MAP7D2: variants seen among roughly 807,000 people sequenced by gnomAD.
MAP7D2 encodes MAP7 domain-containing protein 2.
MAP7D2 carries 33 observed loss-of-function variants against 63.5 expected under a neutral mutation model. The ratio of observed to expected loss-of-function variants is 0.52; its 90% CI spans 0.39 to 0.70. The LOEUF (loss-of-function observed/expected upper bound fraction) is 0.70, where lower values mean the gene tolerates loss of function less well. MAP7D2 is among the 30% of genes least tolerant of loss of function. The pLI, the probability that MAP7D2 is intolerant of heterozygous loss-of-function variation, is 0.00. For missense variants in MAP7D2, 626 were observed against 604.0 expected, an observed-to-expected ratio of 1.04 and a Z score of -0.38; for synonymous variants, 224 against 223.7, an observed-to-expected ratio of 1.00 and a Z score of -0.01.
In MAP7D2 at chrX:20,116,810, GGA is replaced by G. The variant is rs2066907567; in HGVS notation, c.68_69del (p.Leu23ProfsTer30). On this transcript the variant is annotated frameshift_variant, in exon 1 of 17. Coordinates refer to ENST00000379643, the MANE Select transcript of MAP7D2 (RefSeq NM_001168465.2). LOFTEE classifies it high-confidence loss of function. ...RPEGTARGTS[L>X]PGKIAEPGAV... The stretch of plus-strand genomic sequence containing the variant: ...GCGCCCGGTTCTGCGATCTTCCCTG[GGA>G]GAGAGGTTCCCCGCGCAGTCCCCTC... 1 of 1,188,176 alleles carries G rather than the reference GGA, an allele frequency of 8.4e-7. No homozygotes were observed. Among genetic ancestry groups the G allele is most frequent in the African/African-American group, 1.8e-5 (1 of 55,756 alleles).
At chrX:20,064,868 A>G (rs1272003799) in intron 1 of MAP7D2, 63 bp from the exon 2 acceptor site, 7 of 1,006,889 alleles carry the variant, frequency 7.0e-6, no homozygotes, top group Non-Finnish European at 7.0e-6. Flanking sequence ...GCTAAGTACT[A>G]TAGGCAACTG....
At chrX:20,036,639 C>G (rs2064497111) in intron 8 of MAP7D2, among the ~76,000 whole-genome samples, 2 of 105,864 alleles carry the variant, frequency 1.9e-5, no homozygotes, top group South Asian at 8.9e-4. Context: ...GGCGCGGTGG[C>G]TCATGCCTGT....
At chrX:20,067,835 A>C (rs2065399614) in intron 1 of MAP7D2, among the ~76,000 whole-genome samples, 1 of 112,303 alleles carries the variant, frequency 8.9e-6, no homozygotes, top group African/African-American at 3.2e-5. Flanking sequence ...AAGAGAAGTC[A>C]AGTGTGACTC....
chrX:20,074,250 G>A (rs952787716), intron 1 of MAP7D2, among the ~76,000 whole-genome samples: 2 of 111,279 alleles, frequency 1.8e-5, no homozygotes, highest in African/African-American at 3.3e-5. Flanking sequence ...AATCCAGTGT[G>A]ATTTCTTCTG....
intron 1 of MAP7D2, among the ~76,000 whole-genome samples, chrX:20,093,486 G>A (rs962242620): frequency 3.6e-5 from 4 of 110,577 alleles, no homozygotes; most frequent in East Asian, 5.7e-4. Flanking sequence ...GTGAAACCCC[G>A]TCTCTACTAA....
intron 1 of MAP7D2, among the ~76,000 whole-genome samples, chrX:20,101,017 G>A (rs757141010): frequency 4.1e-5 from 4 of 98,030 alleles, no homozygotes; most frequent in Non-Finnish European, 6.0e-5. Context: ...GTAAAACTCC[G>A]TCTCAAAAAA....
intron 8 of MAP7D2, among the ~76,000 whole-genome samples, chrX:20,034,055 T>C (rs1486511268): frequency 1.9e-5 from 2 of 107,478 alleles, no homozygotes; most frequent in Non-Finnish European, 3.8e-5. Flanking sequence ...TGAAACCCTG[T>C]CTCTACTAAA....
At chrX:20,078,768 G>T (rs1273014692) in intron 1 of MAP7D2, among the ~76,000 whole-genome samples, 1 of 111,106 alleles carries the variant, frequency 9.0e-6, no homozygotes, top group Non-Finnish European at 1.9e-5. Flanking sequence ...AATGAGATAT[G>T]TCCTGAGTAT....
chrX:20,091,377 A>C (rs893690888), intron 1 of MAP7D2, among the ~76,000 whole-genome samples: 9 of 107,515 alleles, frequency 8.4e-5, no homozygotes, highest in Non-Finnish European at 1.4e-4. Context: ...GCAATAAAAA[A>C]AACTAGTATT....
chrX:20,036,373 G>A (rs1180979018), intron 8 of MAP7D2, among the ~76,000 whole-genome samples: 1 of 108,860 alleles, frequency 9.2e-6, no homozygotes, highest in Non-Finnish European at 1.9e-5. Flanking sequence ...CTCCCGAGTA[G>A]CTGGGATTAC....
chrX:20,060,021 T>A (rs2148358630), intron 3 of MAP7D2, among the ~76,000 whole-genome samples: 1 of 109,880 alleles, frequency 9.1e-6, no homozygotes, highest in African/African-American at 3.3e-5. Context: ...ATTATATGTG[T>A]TCTTTTTTTT....
intron 1 of MAP7D2, among the ~76,000 whole-genome samples, chrX:20,098,439 G>C (rs982216356): frequency 8.9e-6 from 1 of 112,260 alleles, no homozygotes; most frequent in African/African-American, 3.2e-5. Context: ...AGTTACACCA[G>C]GAGGGTTTAA....
intron 3 of MAP7D2, among the ~76,000 whole-genome samples, chrX:20,062,247 C>A (rs1322618189): frequency 8.9e-6 from 1 of 111,979 alleles, no homozygotes; most frequent in Non-Finnish European, 1.9e-5. Context: ...GTTAGAGGGG[C>A]ATGTGACTTG....
At position 20,045,967 on chromosome X, in the gene MAP7D2, T is replaced by C. The variant is rs180700791; in HGVS notation, c.719-1443A>G. On this transcript the variant is annotated intron_variant, in intron 6 of 16. Coordinates refer to ENST00000379643, the MANE Select transcript of MAP7D2 (RefSeq NM_001168465.2). ...CCCAAGTGATGCCTTTGGTTTTTGT[T>C]TTCTCCTCCAAGTGAGAGTTAGACA... is the stretch of plus-strand genomic sequence containing the variant. Among the ~76,000 whole-genome samples the C allele has an allele frequency of 2.7e-5, 3 of 112,013 alleles. No homozygotes were observed. The East Asian group carries it at 8.4e-4, about 31-fold the overall frequency.
At chrX:20,107,692 A>T (rs1191457083) in intron 1 of MAP7D2, among the ~76,000 whole-genome samples, 1 of 111,824 alleles carries the variant, frequency 8.9e-6, no homozygotes, top group Non-Finnish European at 1.9e-5. Flanking sequence ...TGTCTACTAG[A>T]AAAATTAAGA....
At chrX:20,048,781 T>C (rs968589485) in intron 6 of MAP7D2, among the ~76,000 whole-genome samples, 3 of 108,488 alleles carry the variant, frequency 2.8e-5, no homozygotes, top group African/African-American at 1.0e-4. Flanking sequence ...CCCAAAAAAT[T>C]AGCCAGGCAT....
chrX:20,017,965 CTTTTTTTT>C (rs141142969), intron 10 of MAP7D2, among the ~76,000 whole-genome samples: 33 of 85,692 alleles, frequency 3.9e-4, no homozygotes, highest in African/African-American at 1.5e-3. Flanking sequence ...AATCCATTCT[CTTTTTTTT>C]TTTTTTTTTT....
intron 1 of MAP7D2, among the ~76,000 whole-genome samples, chrX:20,116,250 T>A (rs916108258): frequency 8.8e-6 from 1 of 113,002 alleles, no homozygotes; most frequent in Non-Finnish European, 1.9e-5. Context: ...CCTCTGCCAA[T>A]GGGTGACACG....
chrX:20,063,857 C>A (rs1387830557), intron 2 of MAP7D2, among the ~76,000 whole-genome samples: 1 of 112,247 alleles, frequency 8.9e-6, no homozygotes, highest in Non-Finnish European at 1.9e-5. Context: ...AAGATGATGA[C>A]CGTGAAGTTC....
Sources: allele counts gnomAD v4.1 joint callset (sites outside exome capture counted in the v4.1 genomes callset), GRCh38; gene constraint gnomAD v4.1.1; transcripts MANE v1.5; gene names NCBI Gene and HGNC (gene_info 2026-07-23, HGNC 2026-07-21).